The following FARS2 variants were observed in gnomAD, a reference collection of about 807,000 sequenced individuals.
FARS2 encodes the protein phenylalanyl-tRNA synthetase 2, mitochondrial, also known as phenylalanine--tRNA ligase, mitochondrial.
FARS2 carries 40 observed loss-of-function variants against 46.4 expected under a neutral mutation model. The ratio of observed to expected loss-of-function variants is 0.86; its 90% CI spans 0.67 to 1.12. FARS2 has a LOEUF of 1.12. Among genes scored for constraint, FARS2 ranks in the 50% most tolerant of loss-of-function variants. The probability of loss-of-function intolerance (pLI) is 0.00; values close to 1 mark genes in which losing one functional copy is unlikely to be tolerated. For missense variants in FARS2, 513 were observed against 567.9 expected (o/e 0.90, Z 0.98); for synonymous variants, 234 against 214.9 (o/e 1.09, Z -0.78).
At chr6:5,536,478 T>C (rs1770207936) in intron 4 of FARS2, among the ~76,000 whole-genome samples, 2 of 152,200 alleles carry the variant, frequency 1.3e-5, no homozygotes, top group Non-Finnish European at 2.9e-5. Flanking sequence ...CTGCCACTTA[T>C]TAGTATGGTG....
intron 1 of FARS2, among the ~76,000 whole-genome samples, chr6:5,303,175 G>A (rs1768443198): frequency 6.6e-6 from 1 of 152,180 alleles, no homozygotes; most frequent in Non-Finnish European, 1.5e-5. Flanking sequence ...TGTATGTGAA[G>A]CTTCTTTGCC....
At position 5,358,297 on chromosome 6, in the gene FARS2, T is replaced by TTATA. The variant is rs150604434; in HGVS notation, c.-21-10245_-21-10242dup. Among the ~76,000 whole-genome samples, 5 of 151,844 alleles carry TTATA rather than the reference T, an allele frequency of 3.3e-5. No individual in the cohort carries two copies. In the East Asian group the frequency reaches 5.8e-4, roughly 18 times the overall value. On this transcript the variant is annotated intron_variant, in intron 1 of 6. Coordinates refer to ENST00000274680, the MANE Select transcript of FARS2 (RefSeq NM_006567.5). ...CTGAATATTTTTAGTTTAAAAACTGTTATATATATATGTACATAGTAAGAT... is the reference window on the plus strand; with the variant it reads ...CTGAATATTTTTAGTTTAAAAACTGTTATATATATATATATGTACATAGTAAGAT...
chr6:5,309,431 A>G (rs901978533), intron 1 of FARS2, among the ~76,000 whole-genome samples: 5 of 152,208 alleles, frequency 3.3e-5, no homozygotes, highest in African/African-American at 9.6e-5. Flanking sequence ...TTCTAATTTC[A>G]TAAAAGCAAA....
At chr6:5,762,454 G>T in intron 6 of FARS2, among the ~76,000 whole-genome samples, 1 of 152,144 alleles carries the variant, frequency 6.6e-6, no homozygotes, top group East Asian at 1.9e-4. Context: ...CGCATGCAAG[G>T]ACCAAGGAGC....
intron 5 of FARS2, among the ~76,000 whole-genome samples, chr6:5,573,488 C>T (rs1012553288): frequency 5.3e-5 from 8 of 152,100 alleles, no homozygotes; most frequent in African/African-American, 1.9e-4. Context: ...ATTGTTAACC[C>T]CATATTATGG....
chr6:5,468,265 C>T (rs141032411), intron 4 of FARS2, among the ~76,000 whole-genome samples: 28 of 151,594 alleles, frequency 1.8e-4, no homozygotes, highest in African/African-American at 6.5e-4. Flanking sequence ...ATTGCCAAAC[C>T]GTGAAAGATT....
At chr6:5,752,685 G>A (rs190853453) in intron 6 of FARS2, among the ~76,000 whole-genome samples, 11 of 152,208 alleles carry the variant, frequency 7.2e-5, no homozygotes, top group Admixed American at 4.6e-4. Flanking sequence ...ACACAGAAGC[G>A]CTAGGAAGCT....
intron 6 of FARS2, among the ~76,000 whole-genome samples, chr6:5,752,857 C>T (rs916435369): frequency 2.0e-5 from 3 of 151,980 alleles, no homozygotes; most frequent in East Asian, 1.9e-4. Context: ...TGACACCCCA[C>T]GCCTTGCCCT....
rs963266567 is a variant in FARS2 at position 5,495,612 on chromosome 6, T to C, written c.905-49568T>C. On this transcript the variant is annotated intron_variant, in intron 4 of 6. Coordinates refer to ENST00000274680, the MANE Select transcript of FARS2 (RefSeq NM_006567.5). ...AGTTCCTAATGGAACATCAGCCCTT[T>C]AAGCCTTCGGGTTTTCTGTTCTAAA... is the stretch of plus-strand genomic sequence containing the variant. Among the ~76,000 whole-genome samples, 6 of 152,354 alleles carry C rather than the reference T, an allele frequency of 3.9e-5. No homozygotes were observed. In the South Asian group the frequency reaches 1.0e-3, roughly 26 times the overall value.
chr6:5,756,399 C>T (rs1345681910), intron 6 of FARS2, among the ~76,000 whole-genome samples: 2 of 152,180 alleles, frequency 1.3e-5, no homozygotes, highest in Admixed American at 1.3e-4. Context: ...AATTGACTCA[C>T]AGTTCTGCAG....
chr6:5,265,346 G>A (rs1463400885), intron 1 of FARS2, among the ~76,000 whole-genome samples: 1 of 152,170 alleles, frequency 6.6e-6, no homozygotes, highest in Non-Finnish European at 1.5e-5. Flanking sequence ...AATGGTAGGA[G>A]GTGGGAAGGG....
chr6:5,613,608 C>T (rs919306915), intron 6 of FARS2, among the ~76,000 whole-genome samples: 5 of 152,114 alleles, frequency 3.3e-5, no homozygotes, highest in South Asian at 4.1e-4. Context: ...GACTTCTTAC[C>T]TTAGCATGTT....
At chr6:5,750,523 C>T (rs577929184) in intron 6 of FARS2, among the ~76,000 whole-genome samples, 10 of 152,192 alleles carry the variant, frequency 6.6e-5, no homozygotes, top group East Asian at 3.9e-4. Flanking sequence ...GGAGTGAGTT[C>T]GGCTTGTCTA....
chr6:5,717,800 G>C (rs1271448532), intron 6 of FARS2, among the ~76,000 whole-genome samples: 1 of 151,880 alleles, frequency 6.6e-6, no homozygotes, highest in Admixed American at 6.6e-5. Context: ...TCAGGGAGCT[G>C]GCTTTCCTCA....
At chr6:5,761,534 A>G (rs1470312828) in intron 6 of FARS2, among the ~76,000 whole-genome samples, 2 of 152,218 alleles carry the variant, frequency 1.3e-5, no homozygotes. Context: ...CTCATCCACC[A>G]AAGTGTCGAC....
intron 4 of FARS2, among the ~76,000 whole-genome samples, chr6:5,535,107 C>T (rs1770114863): frequency 1.3e-5 from 2 of 152,164 alleles, no homozygotes; most frequent in African/African-American, 2.4e-5. Flanking sequence ...TTATATTTCC[C>T]TGATGACTGA....
At chr6:5,378,300 C>T (rs757121101) in intron 2 of FARS2, among the ~76,000 whole-genome samples, 7 of 152,058 alleles carry the variant, frequency 4.6e-5, no homozygotes, top group Admixed American at 1.3e-4. Flanking sequence ...GCTCCTTCCA[C>T]GGAGGCTGCT....
chr6:5,679,759 TCTATC>T (rs1778938898), intron 6 of FARS2, among the ~76,000 whole-genome samples: 1 of 152,026 alleles, frequency 6.6e-6, no homozygotes, highest in South Asian at 2.1e-4. Flanking sequence ...TAGAAAAGCT[TCTATC>T]CTTTCCTGGT....
intron 1 of FARS2, among the ~76,000 whole-genome samples, chr6:5,312,962 A>G (rs190411627): frequency 2.3e-4 from 35 of 152,246 alleles, no homozygotes; most frequent in African/African-American, 7.7e-4. Flanking sequence ...GGATGTATGA[A>G]TTGCTGGAGA....
Sources: gnomAD v4.1 joint callset for allele counts (sites outside exome capture counted in the v4.1 genomes callset) on GRCh38, gnomAD v4.1.1 for gene constraint, MANE v1.5 for transcripts, NCBI Gene and HGNC (gene_info 2026-07-23, HGNC 2026-07-21) for gene names.